ZNF362: variants seen among roughly 807,000 people sequenced by gnomAD.
The protein encoded by ZNF362 is zinc finger protein 362.
Under a neutral mutation model 42.9 loss-of-function variants are expected in ZNF362, and 11 were observed. The ratio of observed to expected loss-of-function variants is 0.26; its 90% CI spans 0.16 to 0.42. ZNF362 has a LOEUF of 0.42. Ranked by LOEUF, ZNF362 falls within the 20% of genes least tolerant of loss-of-function variation. The probability of loss-of-function intolerance (pLI) is 1.00; values close to 1 mark genes in which losing one functional copy is unlikely to be tolerated. For missense variants in ZNF362, 362 were observed against 576.2 expected (o/e 0.63, Z 3.81); for synonymous variants, 255 against 257.3 (o/e 0.99, Z 0.09).
At chr1:33,236,550 A>AAAAT in the ZNF362 span, among the ~76,000 whole-genome samples, 1 of 5,980 alleles carries the variant, frequency 1.7e-4, no homozygotes, top group Non-Finnish European at 3.7e-4. Context: ...AAAAAAAAAA[A>AAAAT]ATATATATAT....
At position 33,276,431 on chromosome 1, in the gene ZNF362, G is replaced by A. The variant is rs761119574; in HGVS notation, c.186G>A (p.Ser62=). 5.1e-6 allele frequency: 8 copies of A among 1,582,176 alleles called. 1 individual carries two copies. The highest frequency in any genetic ancestry group is 3.5e-5 in the South Asian group (3 of 86,896). Reference sequence around the variant, plus strand: ...GGCCGCCTCACCTGCCGCCCACGTCGGCCTCGTCGCAGCAGCCGTTGCTAG... The same window carrying A: ...GGCCGCCTCACCTGCCGCCCACGTCAGCCTCGTCGCAGCAGCCGTTGCTAG... ...KIRPPHLPPT[S]ASSQQPLLVP... The change falls in exon 4 of 9, where the codon TCG becomes TCA. Residue 62 remains serine, a synonymous_variant. Transcript: ENST00000539719.
chr1:33,222,728 G>A, the ZNF362 span, among the ~76,000 whole-genome samples: 1 of 152,112 alleles, frequency 6.6e-6, no homozygotes, highest in Non-Finnish European at 1.5e-5. Context: ...TCTTCACATG[G>A]CTGTTTCCTT....
At chr1:33,210,810 T>C in the ZNF362 span, among the ~76,000 whole-genome samples, 1 of 152,174 alleles carries the variant, frequency 6.6e-6, no homozygotes, top group Non-Finnish European at 1.5e-5. Context: ...ATTTTGAGCC[T>C]ATGTGTGTCT....
chr1:33,145,527 T>A, the ZNF362 span: 2 of 172,516 alleles, frequency 1.2e-5, no homozygotes, highest in African/African-American at 4.8e-5. Flanking sequence ...GGGCTGACAA[T>A]TCCTTTTGCC....
intron 1 of ZNF362, among the ~76,000 whole-genome samples, chr1:33,262,075 G>A (rs1358460430): frequency 6.6e-6 from 1 of 152,102 alleles, no homozygotes; most frequent in Non-Finnish European, 1.5e-5. Flanking sequence ...TCTAGAACCT[G>A]GGGCTGGAAC....
chr1:33,161,284 G>C, the ZNF362 span, among the ~76,000 whole-genome samples: 1 of 152,222 alleles, frequency 6.6e-6, no homozygotes, highest in Non-Finnish European at 1.5e-5. This position sits in a 1 kb window ranked among gnomAD's most constrained non-coding sequence, Gnocchi z 4.3. Context: ...GGGGGTCAGG[G>C]GAACAGGCAG....
At chr1:33,128,023 A>G in the ZNF362 span, among the ~76,000 whole-genome samples, 5 of 152,156 alleles carry the variant, frequency 3.3e-5, no homozygotes, top group Non-Finnish European at 7.4e-5. Context: ...TCTGTAAAAT[A>G]GGATAATAGT....
intron 2 of ZNF362, chr1:33,274,806 A>T (rs2148091875): frequency 3.0e-6 from 1 of 331,014 alleles, no homozygotes; most frequent in Non-Finnish European, 4.3e-6. Context: ...GGCCTTGGAC[A>T]GGTCTCCTCC....
the ZNF362 span, among the ~76,000 whole-genome samples, chr1:33,160,535 G>A: frequency 2.0e-5 from 3 of 152,030 alleles, no homozygotes; most frequent in Non-Finnish European, 4.4e-5. Flanking sequence ...CTCCCTAGTA[G>A]CTGGGATTAC....
At chr1:33,289,960 T>C (rs1646064368) in intron 6 of ZNF362, among the ~76,000 whole-genome samples, 1 of 151,676 alleles carries the variant, frequency 6.6e-6, no homozygotes, top group Admixed American at 6.6e-5. Flanking sequence ...AGATCAGGAG[T>C]TGGGTTTTAG....
chr1:33,157,366 C>T, the ZNF362 span, among the ~76,000 whole-genome samples: 18 of 152,138 alleles, frequency 1.2e-4, no homozygotes, highest in African/African-American at 4.3e-4. Context: ...AGCACTCTTC[C>T]TCCAGATACC....
chr1:33,192,787 C>G, the ZNF362 span, among the ~76,000 whole-genome samples: 1 of 152,088 alleles, frequency 6.6e-6, no homozygotes, highest in African/African-American at 2.4e-5. Flanking sequence ...TCTGAGTCCT[C>G]TGATTACCTG....
the ZNF362 span, among the ~76,000 whole-genome samples, chr1:33,189,786 C>G: frequency 6.7e-6 from 1 of 148,336 alleles, no homozygotes; most frequent in Non-Finnish European, 1.5e-5. Context: ...TGACCCTCAC[C>G]AGTTTCTTTA....
intron 6 of ZNF362, among the ~76,000 whole-genome samples, chr1:33,286,283 C>G (rs899476695): frequency 6.6e-6 from 1 of 151,730 alleles, no homozygotes; most frequent in African/African-American, 2.4e-5. Flanking sequence ...GTTGACAGAA[C>G]AGGCAAGCTA....
the ZNF362 span, among the ~76,000 whole-genome samples, chr1:33,200,588 A>C: frequency 3.3e-5 from 5 of 152,354 alleles, no homozygotes; most frequent in Admixed American, 1.3e-4. Context: ...CAAACAGGTT[A>C]AAAGTAAAAG....
the ZNF362 span, among the ~76,000 whole-genome samples, chr1:33,232,130 A>T: frequency 6.6e-6 from 1 of 152,184 alleles, no homozygotes; most frequent in Non-Finnish European, 1.5e-5. Context: ...TAAGCCAATC[A>T]TGATTATATT....
At chr1:33,229,992 C>A in the ZNF362 span, among the ~76,000 whole-genome samples, 3 of 152,204 alleles carry the variant, frequency 2.0e-5, no homozygotes, top group African/African-American at 7.2e-5. Flanking sequence ...TAGAGATAAG[C>A]ACTATTTACA....
the ZNF362 span, among the ~76,000 whole-genome samples, chr1:33,202,168 G>A: frequency 6.6e-6 from 1 of 152,210 alleles, no homozygotes; most frequent in African/African-American, 2.4e-5. Context: ...CAGCTTCACT[G>A]AGGAATTCTT....
intron 2 of ZNF362, among the ~76,000 whole-genome samples, chr1:33,272,921 G>A (rs1184798856): frequency 6.6e-6 from 1 of 152,228 alleles, no homozygotes; most frequent in Non-Finnish European, 1.5e-5. Flanking sequence ...ACCTCTTCCA[G>A]GAATGTCCTT....
Sources: gnomAD v4.1 joint callset for allele counts (sites outside exome capture counted in the v4.1 genomes callset) on GRCh38, gnomAD v4.1.1 for gene constraint, Gnocchi (gnomAD v3.1) non-coding constraint, MANE v1.5 for transcripts, NCBI Gene and HGNC (gene_info 2026-07-23, HGNC 2026-07-21) for gene names.